Variants in RAPGEF6 observed in about 807,000 individuals in gnomAD.
RAPGEF6 encodes Rap guanine nucleotide exchange factor 6, also known as PDZ domain containing guanine nucleotide exchange factor (GEF) 2.
RAPGEF6 carries 56 observed loss-of-function variants against 171.4 expected under a neutral mutation model. That is an observed-to-expected ratio of 0.33 (90% CI 0.26 to 0.41). RAPGEF6 has a LOEUF of 0.41. Among genes scored for constraint, RAPGEF6 ranks in the 10% least tolerant of loss-of-function variants. The pLI, the probability that RAPGEF6 is intolerant of heterozygous loss-of-function variation, is 1.00. For synonymous variants in RAPGEF6, 692 were observed against 650.1 expected (o/e 1.06, Z -0.98); for missense variants, 1,674 against 1,921.4 (o/e 0.87, Z 2.41).
intron 21 of RAPGEF6, among the ~76,000 whole-genome samples, 172 bp downstream of exon 21, chr5:131,452,882 T>C (rs1753200201): frequency 6.6e-6 from 1 of 152,214 alleles, no homozygotes; most frequent in Non-Finnish European, 1.5e-5. Context: ...AAGGCTAATA[T>C]CACCTACCTG....
chr5:131,428,350 C>CATGCCATAATGCCTGGCTGA, intron 27 of RAPGEF6, among the ~76,000 whole-genome samples: 1 of 152,232 alleles, frequency 6.6e-6, no homozygotes, highest in South Asian at 2.1e-4. Flanking sequence ...GAGTCTGAGG[C>CATGCCATAATGCCTGGCTGA]TGTAGTGAGT....
intron 1 of RAPGEF6, among the ~76,000 whole-genome samples, chr5:131,620,883 T>C (rs1010553716): frequency 6.6e-6 from 1 of 152,210 alleles, no homozygotes; most frequent in Non-Finnish European, 1.5e-5. Context: ...TGACAAACCA[T>C]GCCCACGGTA....
intron 6 of RAPGEF6, among the ~76,000 whole-genome samples, chr5:131,545,110 T>C (rs1760429547): frequency 1.3e-5 from 2 of 152,136 alleles, no homozygotes; most frequent in Admixed American, 6.6e-5. Context: ...AAAATGTTAT[T>C]ACCATTACAG....
intron 5 of RAPGEF6, among the ~76,000 whole-genome samples, chr5:131,550,363 C>T (rs1047850429): frequency 6.6e-6 from 1 of 152,182 alleles, no homozygotes; most frequent in African/African-American, 2.4e-5. Flanking sequence ...ATTATAAACT[C>T]CATCCCCAAA....
At chr5:131,569,635 C>T (rs904254230) in intron 4 of RAPGEF6, among the ~76,000 whole-genome samples, 7 of 152,038 alleles carry the variant, frequency 4.6e-5, no homozygotes, top group African/African-American at 1.7e-4. Context: ...ATGAAATAAT[C>T]GTGAGGTTGA....
At chr5:131,571,817 G>T (rs1264239037) in intron 4 of RAPGEF6, among the ~76,000 whole-genome samples, 1 of 152,054 alleles carries the variant, frequency 6.6e-6, no homozygotes, top group Non-Finnish European at 1.5e-5. Flanking sequence ...CTCTGAGCTG[G>T]CCACACCATG....
In RAPGEF6 at chr5:131,492,600, T is replaced by C; in HGVS notation, c.1713A>G (p.Gly571=). 6.2e-7 allele frequency: 1 copy of C among 1,614,210 alleles called. No individual in the cohort carries two copies. The highest frequency in any genetic ancestry group is 8.5e-7 in the Non-Finnish European group (1 of 1,180,028). Residue 571 remains glycine (G), a synonymous_variant, in exon 14 of 28, where the codon GGA becomes GGG. Coordinates refer to ENST00000509018, the MANE Select transcript of RAPGEF6 (RefSeq NM_016340.6). The part of the protein sequence containing the change: ...VEPGSKAADS[G]LKRGDQIMEV... The stretch of plus-strand genomic sequence containing the variant: ...TCCTTACCTGATCACCACGTTTCAG[T>C]CCTGAATCAGCAGCTTTGCTACCAG...
At position 131,446,639 on chromosome 5, in the gene RAPGEF6, T is replaced by C; in HGVS notation, c.3265A>G (p.Arg1089Gly). ...LDVQGGAHKK[R>G]ARRSSLLNAK... Reference sequence around the variant, plus strand: ...TTAAGCAGAGAGCTGCGGCGTGCCCTTTTTTTGTGAGCACCTCCCTGAACA... The same window carrying C: ...TTAAGCAGAGAGCTGCGGCGTGCCCCTTTTTTGTGAGCACCTCCCTGAACA... Residue 1089 changes from arginine (R) to glycine (G), a missense_variant, in exon 22 of 28, where the codon AGG becomes GGG. Arg to Gly is a moderately radical substitution (Grantham distance 125, BLOSUM62 -2). Transcript: ENST00000509018. The C allele has an allele frequency of 6.2e-7, 1 of 1,614,004 alleles. No individual in the cohort carries two copies. The highest frequency in any genetic ancestry group is 8.5e-7 in the Non-Finnish European group (1 of 1,179,878).
At chr5:131,428,644 T>C (rs1751513344) in intron 27 of RAPGEF6, among the ~76,000 whole-genome samples, 1 of 151,992 alleles carries the variant, frequency 6.6e-6, no homozygotes. Context: ...ATTTTTTTAG[T>C]AGAGACGGGG....
chr5:131,611,896 A>G (rs1303745534), intron 1 of RAPGEF6, among the ~76,000 whole-genome samples: 1 of 151,858 alleles, frequency 6.6e-6, no homozygotes, highest in Non-Finnish European at 1.5e-5. Context: ...CCATTTTTTC[A>G]TGCCTTATTA....
At chr5:131,447,548 G>GTTT (rs1436930798) in intron 21 of RAPGEF6, 1 of 152,154 alleles carries the variant, frequency 6.6e-6, no homozygotes, top group Non-Finnish European at 1.5e-5. Flanking sequence ...CTGCAATGAT[G>GTTT]TTTGTCCTTT....
chr5:131,441,486 C>A (rs1484344167), intron 23 of RAPGEF6, among the ~76,000 whole-genome samples: 1 of 152,204 alleles, frequency 6.6e-6, no homozygotes, highest in Admixed American at 6.5e-5. Context: ...TTCTTCGTCA[C>A]CAATCTTTTA....
At chr5:131,432,181 T>C (rs1751748506) in intron 25 of RAPGEF6, among the ~76,000 whole-genome samples, 4 of 152,122 alleles carry the variant, frequency 2.6e-5, no homozygotes, top group Admixed American at 2.6e-4. Context: ...TGACAGAGAC[T>C]ATATGTAGAT....
intron 4 of RAPGEF6, among the ~76,000 whole-genome samples, chr5:131,565,982 C>CA (rs1446883192): frequency 1.3e-5 from 2 of 151,684 alleles, no homozygotes; most frequent in Non-Finnish European, 2.9e-5. Context: ...CTCGTCTCTA[C>CA]AAAAAAACAC....
intron 1 of RAPGEF6, among the ~76,000 whole-genome samples, chr5:131,625,664 A>C (rs540209399): frequency 8.5e-4 from 130 of 152,156 alleles, no homozygotes; most frequent in African/African-American, 2.9e-3. Flanking sequence ...AAATACAAAA[A>C]AATTAGCCAG....
rs1421872027 is a variant in RAPGEF6 at position 131,483,271 on chromosome 5, C to T, written c.1841-3518G>A. On this transcript the variant is annotated intron_variant, in intron 15 of 27. Transcript: ENST00000509018. ...GGCTGAGACAGTAGAATCGCTTGAA[C>T]CTGGGAGGCGGAGGTTGCAGTGAGC... is the stretch of plus-strand genomic sequence containing the variant. Among the ~76,000 whole-genome samples the T allele has an allele frequency of 2.0e-5, 3 of 149,732 alleles. No homozygotes were observed. The Admixed American group carries it at 2.0e-4, about 10-fold the overall frequency.
intron 4 of RAPGEF6, among the ~76,000 whole-genome samples, chr5:131,570,306 T>C (rs1329435733): frequency 6.6e-6 from 1 of 152,106 alleles, no homozygotes; most frequent in African/African-American, 2.4e-5. Context: ...CTGTTAAATA[T>C]ACACCAGAAT....
chr5:131,448,115 T>A (rs1752837586), intron 21 of RAPGEF6, among the ~76,000 whole-genome samples: 1 of 152,162 alleles, frequency 6.6e-6, no homozygotes, highest in Non-Finnish European at 1.5e-5. Flanking sequence ...AGCTTTTGGT[T>A]CTTTTGTGGT....
At chr5:131,522,313 A>C (rs1040637215) in intron 6 of RAPGEF6, among the ~76,000 whole-genome samples, 1 of 152,164 alleles carries the variant, frequency 6.6e-6, no homozygotes, top group Non-Finnish European at 1.5e-5. Flanking sequence ...TAAACAAACC[A>C]CTGCATTCCA....
Sources: allele counts gnomAD v4.1 joint callset (sites outside exome capture counted in the v4.1 genomes callset), GRCh38; gene constraint gnomAD v4.1.1; transcripts MANE v1.5; gene names NCBI Gene and HGNC (gene_info 2026-07-23, HGNC 2026-07-21).